SHANK2: variants seen among roughly 807,000 people sequenced by gnomAD.
SHANK2 encodes SH3 and multiple ankyrin repeat domains 2.
A neutral mutation model predicts 133.7 loss-of-function variants in SHANK2; 43 were observed. The ratio of observed to expected loss-of-function variants is 0.32; its 90% CI spans 0.25 to 0.41. The LOEUF (loss-of-function observed/expected upper bound fraction) is 0.41. SHANK2 is among the 10% of genes least tolerant of loss of function. The pLI is 1.00. For missense variants in SHANK2, 1,994 were observed against 2,235.8 expected, an observed-to-expected ratio of 0.89 and a Z score of 2.18; for synonymous variants, 1,017 against 952.8, an observed-to-expected ratio of 1.07 and a Z score of -1.24.
At chr11:71,091,648 C>T (rs1951521634) in intron 8 of SHANK2, among the ~76,000 whole-genome samples, 1 of 152,154 alleles carries the variant, frequency 6.6e-6, no homozygotes, top group Non-Finnish European at 1.5e-5. Context: ...TGCACCACAG[C>T]ACTCCCTCAC....
chr11:70,918,328 G>T (rs782154807), intron 10 of SHANK2, among the ~76,000 whole-genome samples: 104 of 152,144 alleles, frequency 6.8e-4, no homozygotes, highest in Non-Finnish European at 6.5e-4. Context: ...TCTCCACGGA[G>T]AGAGGCCGAT....
At chr11:71,161,461 G>A (rs1242885124) in intron 2 of SHANK2, among the ~76,000 whole-genome samples, 2 of 152,150 alleles carry the variant, frequency 1.3e-5, no homozygotes, top group Non-Finnish European at 1.5e-5. Flanking sequence ...TTTTAGATCT[G>A]TTAAGAGACA....
intron 14 of SHANK2, among the ~76,000 whole-genome samples, chr11:70,784,220 A>G (rs1947585525): frequency 6.6e-6 from 1 of 150,432 alleles, no homozygotes. Context: ...TCTGTCACCC[A>G]GGCTGGAGTG....
chr11:70,839,588 A>G (rs938428084), intron 11 of SHANK2, among the ~76,000 whole-genome samples: 3 of 152,234 alleles, frequency 2.0e-5, no homozygotes, highest in Non-Finnish European at 4.4e-5. Context: ...CCATCAGGAA[A>G]GGACCACAGC....
At position 70,630,279 on chromosome 11, in the gene SHANK2, C is replaced by A. The variant is rs1349544003; in HGVS notation, c.2061+29549G>T. Among the ~76,000 whole-genome samples the A allele has an allele frequency of 4.6e-5, 7 of 152,354 alleles. No individual in the cohort carries two copies. In the East Asian group the frequency reaches 1.4e-3, roughly 29 times the overall value. On this transcript the variant is annotated intron_variant, in intron 17 of 25. Transcript: ENST00000601538. ...CAGCGATGCCCCAGGTCCCAGGCCC[C>A]AGAAGGCTGGTCAGCCCCCAGGACA... is the stretch of plus-strand genomic sequence containing the variant.
At chr11:71,093,394 C>T (rs189746313) in intron 7 of SHANK2, among the ~76,000 whole-genome samples, 21 of 152,194 alleles carry the variant, frequency 1.4e-4, no homozygotes, top group East Asian at 5.8e-4. Flanking sequence ...TGTGGCTCTG[C>T]GTCCCCACTC....
At chr11:70,571,048 A>G (rs1192932741) in intron 17 of SHANK2, among the ~76,000 whole-genome samples, 5 of 152,178 alleles carry the variant, frequency 3.3e-5, no homozygotes, top group African/African-American at 1.2e-4. Context: ...AGAAAACCAC[A>G]GCAGCTGGGT....
intron 15 of SHANK2, among the ~76,000 whole-genome samples, chr11:70,672,378 G>A (rs1456453836): frequency 2.0e-5 from 3 of 152,030 alleles, no homozygotes; most frequent in Admixed American, 6.6e-5. Context: ...CATTATAATC[G>A]AGGATAAAAT....
chr11:70,474,368 C>T (rs1458723380), intron 25 of SHANK2: 1 of 152,280 alleles, frequency 6.6e-6, no homozygotes, highest in Non-Finnish European at 1.5e-5. Context: ...CAGGCAAAGC[C>T]CTCAGAGCTC....
At chr11:71,073,717 G>T (rs1448844512) in intron 9 of SHANK2, among the ~76,000 whole-genome samples, 1 of 151,930 alleles carries the variant, frequency 6.6e-6, no homozygotes, top group African/African-American at 2.4e-5. Flanking sequence ...CTCCTCCCTC[G>T]GCCTCCCAAA....
chr11:70,933,910 A>C (rs1269780030), intron 10 of SHANK2, among the ~76,000 whole-genome samples: 15 of 151,014 alleles, frequency 9.9e-5, no homozygotes, highest in African/African-American at 2.7e-4. Flanking sequence ...AAAAAAAAAA[A>C]AAAACAAAAA....
At chr11:71,060,617 T>C (rs962708648) in intron 9 of SHANK2, among the ~76,000 whole-genome samples, 2 of 152,210 alleles carry the variant, frequency 1.3e-5, no homozygotes, top group East Asian at 1.9e-4. Context: ...ATGAGGACCA[T>C]GCATGTCAGC....
chr11:71,230,009 T>G (rs1954714998), intron 1 of SHANK2, among the ~76,000 whole-genome samples: 1 of 152,078 alleles, frequency 6.6e-6, no homozygotes, highest in South Asian at 2.1e-4. Context: ...CTCAGCAAAA[T>G]TTTTTTGTAG....
upstream of SHANK2, among the ~76,000 whole-genome samples, chr11:71,252,876 C>T (rs1948211389): frequency 6.6e-6 from 1 of 152,194 alleles, no homozygotes; most frequent in African/African-American, 2.4e-5. The surrounding 1 kb of genome is among the most constrained non-coding windows in gnomAD (Gnocchi z 6.3). Flanking sequence ...CCAAAGCCGG[C>T]GGACGAGAAA....
chr11:71,186,389 C>G (rs1953672485), intron 2 of SHANK2, among the ~76,000 whole-genome samples: 1 of 152,214 alleles, frequency 6.6e-6, no homozygotes, highest in Non-Finnish European at 1.5e-5. Flanking sequence ...TCTAACTGAA[C>G]CAGGCGCCTT....
intron 1 of SHANK2, among the ~76,000 whole-genome samples, chr11:71,235,087 A>G (rs566804902): frequency 3.2e-4 from 49 of 152,286 alleles, no homozygotes; most frequent in Admixed American, 8.5e-4. Context: ...CCCAGTTCCC[A>G]GCACAGAGAT....
At position 70,794,442 on chromosome 11, in the gene SHANK2, T is replaced by C. The variant is rs551241416; in HGVS notation, c.1777+4001A>G. Among the ~76,000 whole-genome samples the C allele has an allele frequency of 3.7e-4, 57 of 152,170 alleles. 1 individual carries two copies. The highest frequency in any genetic ancestry group is 2.0e-4 in the Admixed American group (3 of 15,292). ...CAAAATCTATGGTGACAGAAATCTATGGTCTATGGTGACAGAAATCAGAAC... is the reference window on the plus strand; with the variant it reads ...CAAAATCTATGGTGACAGAAATCTACGGTCTATGGTGACAGAAATCAGAAC... On this transcript the variant is annotated intron_variant, in intron 14 of 25. Coordinates refer to ENST00000601538, the MANE Select transcript of SHANK2 (RefSeq NM_012309.5).
chr11:71,072,649 C>A (rs1951158776), intron 9 of SHANK2, among the ~76,000 whole-genome samples: 1 of 151,822 alleles, frequency 6.6e-6, no homozygotes, highest in Non-Finnish European at 1.5e-5. Context: ...GGTCCCCTGA[C>A]AGATGTCCAC....
At chr11:71,108,964 G>C (rs868949189) in intron 6 of SHANK2, among the ~76,000 whole-genome samples, 2 of 152,228 alleles carry the variant, frequency 1.3e-5, no homozygotes, top group African/African-American at 4.8e-5. Context: ...AGAGGTCGAG[G>C]GGGCTCCCAC....
Sources: allele counts gnomAD v4.1 joint callset (sites outside exome capture counted in the v4.1 genomes callset), GRCh38; gene constraint gnomAD v4.1.1; non-coding constraint Gnocchi (gnomAD v3.1); transcripts MANE v1.5; gene names NCBI Gene and HGNC (gene_info 2026-07-23, HGNC 2026-07-21).